The following CPSF1 variants were observed in gnomAD, a reference collection of about 807,000 sequenced individuals.
CPSF1 encodes cleavage and polyadenylation specificity factor subunit 1.
Under a neutral mutation model 175.8 loss-of-function variants are expected in CPSF1, and 106 were observed. The observed-to-expected ratio is 0.60, with a 90% CI of 0.52 to 0.71. The LOEUF (loss-of-function observed/expected upper bound fraction) is 0.71. CPSF1 is among the 30% of genes least tolerant of loss of function. The pLI, the probability that CPSF1 is intolerant of heterozygous loss-of-function variation, is 0.00. For synonymous variants in CPSF1, 1,024 were observed against 858.3 expected, an observed-to-expected ratio of 1.19 and a Z score of -3.37; for missense variants, 1,734 against 2,022.9, an observed-to-expected ratio of 0.86 and a Z score of 2.74.
At chr8:144,400,135 G>GGGGCGCCCC in intron 9 of CPSF1, 31 bp downstream of exon 9, 1 of 896,006 alleles carries the variant, frequency 1.1e-6, no homozygotes, top group Non-Finnish European at 1.6e-6. Context: ...CCGTCCCCGG[G>GGGGCGCCCC]CCCCCCCCGC....
Position 144,395,080 on chromosome 8 carries a change from C to T in CPSF1, c.3272+18G>A, listed in dbSNP as rs182247778. On this transcript the variant is annotated intron_variant, in intron 29 of 37. Transcript: ENST00000616140. Reference sequence around the variant, plus strand: ...TGGAGGCCTTGGGCAGACCCCACCCCCGCCGGCCCAGCCTCACCTGGCATT... The same window carrying T: ...TGGAGGCCTTGGGCAGACCCCACCCTCGCCGGCCCAGCCTCACCTGGCATT... 3.7e-5 allele frequency: 60 copies of T among 1,604,444 alleles called. No individual in the cohort carries two copies. The Admixed American group carries it at 5.0e-4, about 13-fold the overall frequency.
chr8:144,393,649 G>A lies in CPSF1; in HGVS notation c.4145+18C>T. The A allele has an allele frequency of 1.3e-6, 2 of 1,568,234 alleles. No homozygotes were observed. The highest frequency in any genetic ancestry group is 1.7e-6 in the Non-Finnish European group (2 of 1,163,450). On this transcript the variant is annotated intron_variant, in intron 36 of 37. Transcript: ENST00000616140. ...TGGGGTGGAGGGGGTGCTGCACGGG[G>A]GCGGGGCCGGGGCTCACCGGAAGGC...
Position 144,394,313 on chromosome 8 carries a change from A to G in CPSF1, c.3745-13T>C, listed in dbSNP as rs1554862688. Reference sequence around the variant, plus strand: ...GGGGCTTGGCATCCTGGGGGCGGGAAGGGGGCGTCAGAGGTGCCTTGGGCG... The same window carrying G: ...GGGGCTTGGCATCCTGGGGGCGGGAGGGGGGCGTCAGAGGTGCCTTGGGCG... On this transcript the variant is annotated splice_polypyrimidine_tract_variant and intron_variant, in intron 32 of 37. Coordinates refer to ENST00000616140, the MANE Select transcript of CPSF1 (RefSeq NM_013291.3). 1.3e-6 allele frequency: 2 copies of G among 1,585,054 alleles called. No homozygotes were observed. The highest frequency in any genetic ancestry group is 2.3e-5 in the South Asian group (2 of 87,678).
rs1554864772 is a variant in CPSF1, at chr8:144,398,090, A to G, written c.1937T>C (p.Ile646Thr). The G allele has an allele frequency of 6.2e-7, 1 of 1,610,702 alleles. No homozygotes were observed. Residue 646 changes from isoleucine to threonine, a missense_variant, in exon 20 of 38, where the codon ATC (isoleucine) becomes ACC (threonine). Ile to Thr is a moderately conservative substitution (Grantham distance 89, BLOSUM62 -1). Coordinates refer to ENST00000616140, the MANE Select transcript of CPSF1 (RefSeq NM_013291.3). Reference protein sequence around the residue: ...HFIPVDLGAPIVQCAVADPYV... With the variant: ...HFIPVDLGAPTVQCAVADPYV... ...GGGGTCGGCCACGGCGCACTGCACG[A>G]TGGGGGCGCCCAGGTCCACGGGGAT...
At position 144,396,622 on chromosome 8, in the gene CPSF1, G is replaced by A. The variant is rs144534478; in HGVS notation, c.2802C>T (p.Phe934=). The change falls in exon 25 of 38, where the codon TTC becomes TTT. Residue 934 remains phenylalanine (F), a synonymous_variant. Transcript: ENST00000616140. ...CCCCTGAGTAGCCATAAATATCCTC[G>A]AAGTAGCGGAAACGCGCCACGCGGC... ...ARGRVARFRY[F]EDIYGYSGVF... is the part of the protein sequence containing the mutation. 18 of 1,613,426 alleles carry A rather than the reference G, an allele frequency of 1.1e-5. 1 individual carries two copies. The highest frequency in any genetic ancestry group is 3.3e-4 in the Middle Eastern group (2 of 6,084).
chr8:144,405,248 G>A (rs1554868735), intron 2 of CPSF1, among the ~76,000 whole-genome samples: 1 of 152,192 alleles, frequency 6.6e-6, no homozygotes, highest in African/African-American at 2.4e-5. Flanking sequence ...GGCCTCCGCC[G>A]CCTCCTGAAA....
chr8:144,396,070 A>C lies in CPSF1; in HGVS notation c.2979+278T>G, dbSNP rs1269943558. ...AGCACTCACGTCAGCTCTCCTGAGA[A>C]GTGTGGAGGCCAGGCCCTGCGAGGG... is the stretch of plus-strand genomic sequence containing the variant. On this transcript the variant is annotated intron_variant, in intron 26 of 37. Coordinates refer to ENST00000616140, the MANE Select transcript of CPSF1 (RefSeq NM_013291.3). 9.9e-6 allele frequency: 5 copies of C among 506,146 alleles called. No homozygotes were observed. In the East Asian group the frequency reaches 1.0e-4, roughly 10 times the overall value. 31.4% of individuals were successfully genotyped at this position (506,146 alleles called of 1,614,324 possible).
chr8:144,400,134 G>GCACCCC, intron 9 of CPSF1, 32 bp downstream of exon 9: 1 of 964,402 alleles, frequency 1.0e-6, no homozygotes, highest in Non-Finnish European at 1.5e-6. Context: ...GCCGTCCCCG[G>GCACCCC]GCCCCCCCCG....
Position 144,396,970 on chromosome 8 carries a change from A to G in CPSF1, c.2593-41T>C, listed in dbSNP as rs781856329. The G allele has an allele frequency of 4.1e-6, 6 of 1,447,484 alleles. No individual in the cohort carries two copies. The South Asian group carries it at 5.8e-5, about 14-fold the overall frequency. The allele number at this position is 1,447,484 out of a possible 1,614,324, so 89.7% of individuals were successfully genotyped here. On this transcript the variant is annotated intron_variant, in intron 23 of 37. Transcript: ENST00000616140. The stretch of plus-strand genomic sequence containing the variant: ...GAGCCATGGGGGAACGGGCAGGGCC[A>G]TGGAGAACATGGGATGGGCCATGGG...
intron 8 of CPSF1, 30 bp downstream of exon 8, chr8:144,400,324 C>T: frequency 6.2e-7 from 1 of 1,613,340 alleles, no homozygotes; most frequent in Non-Finnish European, 8.5e-7. Flanking sequence ...TCTCTCCACA[C>T]ACTCCCCTAT....
At chr8:144,403,471 C>T (rs1303162977) in intron 2 of CPSF1, among the ~76,000 whole-genome samples, 1 of 152,136 alleles carries the variant, frequency 6.6e-6, no homozygotes, top group Non-Finnish European at 1.5e-5. Flanking sequence ...GCAGCCTCGA[C>T]CTCCTGGGCT....
chr8:144,402,014 C>T (rs1274740987), intron 2 of CPSF1, among the ~76,000 whole-genome samples: 1 of 152,208 alleles, frequency 6.6e-6, no homozygotes, highest in Non-Finnish European at 1.5e-5. Context: ...TGCACACCTA[C>T]AGCAGCCCAG....
At position 144,397,345 on chromosome 8, in the gene CPSF1, A is replaced by G. The variant is rs1554864323; in HGVS notation, c.2454T>C (p.Leu818=). ...VKNFPVGQRV[L]VDSSFGQPTT... The stretch of plus-strand genomic sequence containing the variant: ...TGGGCTGTCCAAAGGAGCTGTCCAC[A>G]AGGACCCGCTGCCCCACAGGGAAGT... Residue 818 remains leucine, a synonymous_variant, in exon 23 of 38, where the codon CTT becomes CTC. Transcript: ENST00000616140. The G allele has an allele frequency of 2.6e-6, 4 of 1,561,720 alleles. No homozygotes were observed. The African/African-American group carries it at 4.1e-5, about 16-fold the overall frequency.
chr8:144,400,142 C>CCCGGCCCCAGCCA, intron 9 of CPSF1, 24 bp downstream of exon 9: 2 of 1,248,286 alleles, frequency 1.6e-6, no homozygotes, highest in Non-Finnish European at 2.2e-6. Context: ...CGGGCCCCCC[C>CCCGGCCCCAGCCA]CGCCCCAGCC....
Position 144,398,097 on chromosome 8 carries a change from C to T in CPSF1, c.1930G>A (p.Ala644Thr), listed in dbSNP as rs781979111. The T allele has an allele frequency of 1.1e-5, 17 of 1,608,446 alleles. No individual in the cohort carries two copies. The highest frequency in any genetic ancestry group is 4.4e-5 in the South Asian group (4 of 90,654). ...GCCACGGCGCACTGCACGATGGGGGCGCCCAGGTCCACGGGGATGAAGTGC... is the reference window on the plus strand; with the variant it reads ...GCCACGGCGCACTGCACGATGGGGGTGCCCAGGTCCACGGGGATGAAGTGC... Reference protein sequence around the residue: ...QLHFIPVDLGAPIVQCAVADP... With the variant: ...QLHFIPVDLGTPIVQCAVADP... The change falls in exon 20 of 38, where the codon GCC becomes ACC. Residue 644 changes from alanine to threonine, a missense_variant. Transcript: ENST00000616140.
chr8:144,400,044 C>T lies in CPSF1; in HGVS notation c.979G>A (p.Ala327Thr), dbSNP rs1821072285. The T allele has an allele frequency of 6.2e-7, 1 of 1,609,076 alleles. No homozygotes were observed. ...ATCTTGTCGTAGGAGATGAAGGTGG[C>T]CTGGGCGCAGTCCAGGGTGATCCGC... ...GVRITLDCAQ[A>T]TFISYDKMVI... The change falls in exon 10 of 38, where the codon GCC becomes ACC. Residue 327 changes from alanine to threonine, a missense_variant. By Grantham distance (58) the Ala-to-Thr change is moderately conservative (BLOSUM62 0). Around this residue, in one of 10 missense-constraint regions of CPSF1, gnomAD observed 162 missense variants for 169.5 expected, o/e 0.96. Transcript: ENST00000616140.
Position 144,399,072 on chromosome 8 carries a change from C to T in CPSF1, c.1468-34G>A. 1 of 1,549,468 alleles carries T rather than the reference C, an allele frequency of 6.5e-7. No homozygotes were observed. Among genetic ancestry groups the T allele is most frequent in the Non-Finnish European group, 8.7e-7 (1 of 1,146,330 alleles). On this transcript the variant is annotated intron_variant, in intron 15 of 37. Coordinates refer to ENST00000616140, the MANE Select transcript of CPSF1 (RefSeq NM_013291.3). This position sits in a 1 kb window ranked among gnomAD's most constrained non-coding sequence, Gnocchi z 6.4. ...GACTCGGGGGTGAGGACTATGCCCC[C>T]CACCCCCCCTCACACTCCAGCCCCT... is the stretch of plus-strand genomic sequence containing the variant.
chr8:144,395,227 T>C, intron 28 of CPSF1, 38 bp downstream of exon 28: 1 of 1,612,874 alleles, frequency 6.2e-7, no homozygotes, highest in Non-Finnish European at 8.5e-7. Context: ...TTCCCCAAGA[T>C]GCGGCTGAGG....
At chr8:144,398,708 G>T in intron 17 of CPSF1, 70 bp from the exon 18 acceptor site, 1 of 1,599,420 alleles carries the variant, frequency 6.3e-7, no homozygotes, top group Non-Finnish European at 8.6e-7. Flanking sequence ...GTGCGACCTG[G>T]GCACCCCCGG....
Sources: allele counts gnomAD v4.1 joint callset (sites outside exome capture counted in the v4.1 genomes callset), GRCh38; gene constraint gnomAD v4.1.1; regional missense constraint gnomAD v4.1.1; non-coding constraint Gnocchi (gnomAD v3.1); transcripts MANE v1.5; gene names NCBI Gene and HGNC (gene_info 2026-07-23, HGNC 2026-07-21).